SHB: variants seen among roughly 807,000 people sequenced by gnomAD.
SHB encodes SH2 domain containing adaptor protein B.
A neutral mutation model predicts 52.3 loss-of-function variants in SHB; 20 were observed. That is an observed-to-expected ratio of 0.38 (90% CI 0.27 to 0.56). The LOEUF is 0.56. Among genes scored for constraint, SHB ranks in the 20% least tolerant of loss-of-function variants. SHB has a pLI of 0.71. For synonymous variants in SHB, 397 were observed against 316.5 expected, an observed-to-expected ratio of 1.25 and a Z score of -2.70; for missense variants, 825 against 723.3, an observed-to-expected ratio of 1.14 and a Z score of -1.61.
chr9:37,943,982 T>C (rs75442928), intron 5 of SHB, among the ~76,000 whole-genome samples: 1,949 of 152,272 alleles, frequency 0.013, 31 homozygotes, highest in East Asian at 0.087. Flanking sequence ...GAAACTGTGT[T>C]AAGAGTTTGA....
Position 38,068,562 on chromosome 9 carries a change from G to A in SHB, c.84C>T (p.Arg28=). 6.8e-7 allele frequency: 1 copy of A among 1,472,836 alleles called. No homozygotes were observed. The highest frequency in any genetic ancestry group is 8.9e-7 in the Non-Finnish European group (1 of 1,123,744). The allele number at this position is 1,472,836 out of a possible 1,614,324, so 91.2% of individuals were successfully genotyped here. ...GCCGCTCGCCTCGGCGCCGCTGCTCGCGGTAGTCTGGCCGCGGCGGCTGCG... is the reference window on the plus strand; with the variant it reads ...GCCGCTCGCCTCGGCGCCGCTGCTCACGGTAGTCTGGCCGCGGCGGCTGCG... ...SPPQPPRPDY[R]EQRRRGERPS... is the part of the protein sequence containing the mutation. Residue 28 remains arginine (R), a synonymous_variant, in exon 1 of 6, where the codon CGC becomes CGT. Transcript: ENST00000377707.
intron 1 of SHB, among the ~76,000 whole-genome samples, chr9:38,063,538 C>G (rs1050426771): frequency 1.3e-5 from 2 of 152,254 alleles, no homozygotes; most frequent in African/African-American, 2.4e-5. Flanking sequence ...CTACACTCAG[C>G]TCAAGAGTGG....
In SHB at chr9:37,918,530, T is replaced by G. The variant is rs1832133405; in HGVS notation, c.*1291A>C. Among the ~76,000 whole-genome samples the G allele has an allele frequency of 6.6e-6, 1 of 150,548 alleles. No homozygotes were observed. Among genetic ancestry groups the G allele is most frequent in the Non-Finnish European group, 1.5e-5 (1 of 67,760 alleles). On this transcript the variant is annotated 3_prime_UTR_variant, in exon 6 of 6. Coordinates refer to ENST00000377707, the MANE Select transcript of SHB (RefSeq NM_003028.3). ...GTGTGTGTGTAGGTGTTCTTGTGTG[T>G]GGAAGCAGTGTGGACCACTGAGGGC...
chr9:37,965,463 A>G (rs1564090050), intron 3 of SHB, among the ~76,000 whole-genome samples: 1 of 152,224 alleles, frequency 6.6e-6, no homozygotes, highest in Non-Finnish European at 1.5e-5. Flanking sequence ...GCATGCAAGA[A>G]AGACATGAAA....
chr9:38,051,369 G>A (rs544363750), intron 1 of SHB, among the ~76,000 whole-genome samples: 11 of 151,648 alleles, frequency 7.3e-5, no homozygotes, highest in Non-Finnish European at 1.6e-4. Flanking sequence ...CCTGAACCAG[G>A]GAGTCAGAGG....
chr9:38,015,405 G>A (rs1821196798), intron 2 of SHB: 1 of 703,112 alleles, frequency 1.4e-6, no homozygotes, highest in East Asian at 2.7e-5. Context: ...CCACACAATT[G>A]CTTTGACAAG....
At position 37,917,874 on chromosome 9, in the gene SHB, G is replaced by A. The variant is rs547034654; in HGVS notation, c.*1947C>T. On this transcript the variant is annotated 3_prime_UTR_variant, in exon 6 of 6. Coordinates refer to ENST00000377707, the MANE Select transcript of SHB (RefSeq NM_003028.3). Reference sequence around the variant, plus strand: ...GGACGTGCCAGACAAGGCCTGGGAGGAAGACCCAAGAGGCAGACTGGTCAC... The same window carrying A: ...GGACGTGCCAGACAAGGCCTGGGAGAAAGACCCAAGAGGCAGACTGGTCAC... Among the ~76,000 whole-genome samples the A allele has an allele frequency of 1.3e-5, 2 of 152,366 alleles. No individual in the cohort carries two copies. The highest frequency in any genetic ancestry group is 1.9e-4 in the East Asian group (1 of 5,180).
intron 1 of SHB, among the ~76,000 whole-genome samples, chr9:38,046,048 G>GA (rs1392453827): frequency 6.6e-6 from 1 of 151,652 alleles, no homozygotes. Flanking sequence ...CCAACATGAT[G>GA]AAACCCTGTG....
chr9:37,980,013 G>A lies in SHB; in HGVS notation c.839-5176C>T, dbSNP rs12004075. ...AGTGAGTCATCTTTTTGCTGGTGGA[G>A]GGTCTTGCTTTGATGTTGCCGGCTG... is the stretch of plus-strand genomic sequence containing the variant. On this transcript the variant is annotated intron_variant, in intron 2 of 5. Transcript: ENST00000377707. Among the ~76,000 whole-genome samples, 541 of 152,282 alleles carry A rather than the reference G, an allele frequency of 3.6e-3. 6 individuals are homozygous for A. The highest frequency in any genetic ancestry group is 0.012 in the African/African-American group (516 of 41,566).
chr9:38,030,293 C>T (rs1020651373), intron 1 of SHB, among the ~76,000 whole-genome samples: 4 of 152,204 alleles, frequency 2.6e-5, no homozygotes, highest in Admixed American at 2.6e-4. Context: ...GTTGAGCCCC[C>T]AGAGCGCACA....
At chr9:38,031,500 T>C (rs1029580927) in intron 1 of SHB, among the ~76,000 whole-genome samples, 1 of 152,192 alleles carries the variant, frequency 6.6e-6, no homozygotes, top group African/African-American at 2.4e-5. Flanking sequence ...CCATGCTTTC[T>C]AGGGAAGCAT....
chr9:38,012,921 C>A (rs1821158782), intron 2 of SHB, among the ~76,000 whole-genome samples: 1 of 151,744 alleles, frequency 6.6e-6, no homozygotes, highest in South Asian at 2.1e-4. Flanking sequence ...ACCACTCTCT[C>A]TTCCCCCACC....
chr9:37,934,833 TG>T (rs1327395709), intron 5 of SHB, among the ~76,000 whole-genome samples: 7 of 152,252 alleles, frequency 4.6e-5, no homozygotes. Flanking sequence ...AATTGATTTC[TG>T]CCTTGACAGA....
At chr9:38,033,674 G>C (rs142230056) in intron 1 of SHB, among the ~76,000 whole-genome samples, 125 of 152,258 alleles carry the variant, frequency 8.2e-4, no homozygotes, top group African/African-American at 2.8e-3. Context: ...GATAAAACAG[G>C]TGGTCCCGAG....
At chr9:37,942,258 C>T (rs926807782) in intron 5 of SHB, among the ~76,000 whole-genome samples, 4 of 152,192 alleles carry the variant, frequency 2.6e-5, no homozygotes, top group African/African-American at 7.2e-5. Context: ...TACAAATAGA[C>T]GTCATCAAGC....
chr9:37,945,612 C>T (rs1158997196), intron 5 of SHB, among the ~76,000 whole-genome samples: 1 of 152,206 alleles, frequency 6.6e-6, no homozygotes. Flanking sequence ...TAGACCTCAC[C>T]TCCAGCTCCT....
At chr9:37,976,631 C>T (rs1820658899) in intron 2 of SHB, among the ~76,000 whole-genome samples, 1 of 152,112 alleles carries the variant, frequency 6.6e-6, no homozygotes, top group African/African-American at 2.4e-5. Flanking sequence ...TATGACTTTC[C>T]TTTTTCAGGC....
chr9:38,058,256 C>A (rs1821845638), intron 1 of SHB, among the ~76,000 whole-genome samples: 1 of 152,218 alleles, frequency 6.6e-6, no homozygotes, highest in Non-Finnish European at 1.5e-5. Context: ...TCCCACAGAC[C>A]CAGACAGAGG....
chr9:37,961,075 G>T (rs1424563028), intron 3 of SHB, among the ~76,000 whole-genome samples: 1 of 152,162 alleles, frequency 6.6e-6, no homozygotes, highest in Non-Finnish European at 1.5e-5. Context: ...TCTGAATGAT[G>T]TCTAGGAAAG....
Sources: gnomAD v4.1 joint callset for allele counts (sites outside exome capture counted in the v4.1 genomes callset) on GRCh38, gnomAD v4.1.1 for gene constraint, MANE v1.5 for transcripts, NCBI Gene and HGNC (gene_info 2026-07-23, HGNC 2026-07-21) for gene names.